MAPK8: variants seen among roughly 807,000 people sequenced by gnomAD.
MAPK8 encodes mitogen-activated protein kinase 8.
In MAPK8, 13 loss-of-function variants were observed where a neutral mutation model predicts 52.9. The ratio of observed to expected loss-of-function variants is 0.25; its 90% CI spans 0.16 to 0.39. The LOEUF (loss-of-function observed/expected upper bound fraction) is 0.39, where lower values mean the gene tolerates loss of function less well. Ranked by LOEUF, MAPK8 falls within the 10% of genes least tolerant of loss-of-function variation. The pLI, the probability that MAPK8 is intolerant of heterozygous loss-of-function variation, is 1.00. For synonymous variants in MAPK8, 191 were observed against 169.8 expected (o/e 1.12, Z -0.97); for missense variants, 300 against 519.2 (o/e 0.58, Z 4.10).
chr10:48,337,151 A>G (rs1418718977), intron 1 of MAPK8, among the ~76,000 whole-genome samples: 2 of 152,164 alleles, frequency 1.3e-5, no homozygotes, highest in Non-Finnish European at 2.9e-5. Context: ...ACCCTACCCA[A>G]CAACCACAGA....
Position 48,436,671 on chromosome 10 carries a change from G to A in MAPK8, c.*1642G>A, listed in dbSNP as rs1239358441. 1 of 152,172 alleles carries A rather than the reference G, an allele frequency of 6.6e-6. No homozygotes were observed. The highest frequency in any genetic ancestry group is 1.5e-5 in the Non-Finnish European group (1 of 68,030). 9.4% of individuals were successfully genotyped at this position (152,172 alleles called of 1,614,324 possible). ...TTAGTGCAAAATTATTTTTGAGTGAGATATTTTACATCACTGTTAATGTGC... is the reference window on the plus strand; with the variant it reads ...TTAGTGCAAAATTATTTTTGAGTGAAATATTTTACATCACTGTTAATGTGC... On this transcript the variant is annotated 3_prime_UTR_variant, in exon 12 of 12. Coordinates refer to ENST00000374189, the MANE Select transcript of MAPK8 (RefSeq NM_001323329.2).
At chr10:48,312,961 A>G (rs1274068869) in intron 1 of MAPK8, among the ~76,000 whole-genome samples, 1 of 152,222 alleles carries the variant, frequency 6.6e-6, no homozygotes, top group Admixed American at 6.5e-5. Flanking sequence ...TTCCAAAGAT[A>G]GTTTATATAT....
At chr10:48,397,519 A>G (rs1353278132) in intron 1 of MAPK8, among the ~76,000 whole-genome samples, 1 of 152,156 alleles carries the variant, frequency 6.6e-6, no homozygotes, top group Non-Finnish European at 1.5e-5. Context: ...CCGCAGGTAG[A>G]CTTGGGAGGA....
In MAPK8 at chr10:48,405,665, C is replaced by T. The variant is rs2042425554; in HGVS notation, c.252+684C>T. ...TGTGATTGTTCTAATGGAATGATTT[C>T]TTCAGTTGAGGAAATAAACTAGGAG... On this transcript the variant is annotated intron_variant, in intron 3 of 11. Transcript: ENST00000374189. Among the ~76,000 whole-genome samples the T allele has an allele frequency of 1.3e-5, 2 of 152,154 alleles. 1 individual carries two copies. The highest frequency in any genetic ancestry group is 4.1e-4 in the South Asian group (2 of 4,834).
chr10:48,363,535 G>A (rs1847751550), intron 1 of MAPK8, among the ~76,000 whole-genome samples: 1 of 152,056 alleles, frequency 6.6e-6, no homozygotes, highest in Admixed American at 6.6e-5. Flanking sequence ...TGAAAAATTT[G>A]TCGTCATTGT....
chr10:48,340,014 T>G (rs1203453001), intron 1 of MAPK8, among the ~76,000 whole-genome samples: 1 of 152,146 alleles, frequency 6.6e-6, no homozygotes, highest in African/African-American at 2.4e-5. Context: ...GAACTAAAAA[T>G]AGAACTACCA....
In MAPK8 at chr10:48,438,199, T is replaced by C. The variant is rs2045011983; in HGVS notation, c.*3170T>C. The C allele has an allele frequency of 6.6e-6, 1 of 152,260 alleles. No individual in the cohort carries two copies. Among genetic ancestry groups the C allele is most frequent in the South Asian group, 2.1e-4 (1 of 4,836 alleles). The allele number at this position is 152,260 out of a possible 1,614,324, so 9.4% of individuals were successfully genotyped here. ...AAGCCCCATGACACCAGTAAACTTC[T>C]CTTACCAGTAGGTAAACCAAACACC... is the stretch of plus-strand genomic sequence containing the variant. On this transcript the variant is annotated 3_prime_UTR_variant, in exon 12 of 12. Coordinates refer to ENST00000374189, the MANE Select transcript of MAPK8 (RefSeq NM_001323329.2).
chr10:48,434,668 G>A (rs2044694967), intron 11 of MAPK8, among the ~76,000 whole-genome samples: 1 of 152,164 alleles, frequency 6.6e-6, no homozygotes, highest in East Asian at 1.9e-4. Context: ...GAAAGGATAG[G>A]ACTCCACGAT....
chr10:48,413,593 T>G (rs1461951309), intron 5 of MAPK8, among the ~76,000 whole-genome samples: 1 of 151,916 alleles, frequency 6.6e-6, no homozygotes, highest in Non-Finnish European at 1.5e-5. Flanking sequence ...TCTGACACTT[T>G]GATGTTTTAT....
rs371711690 is a variant in MAPK8, at chr10:48,338,014, T to C, written c.-50+31193T>C. On this transcript the variant is annotated intron_variant, in intron 1 of 11. Coordinates refer to ENST00000374189, the MANE Select transcript of MAPK8 (RefSeq NM_001323329.2). The stretch of plus-strand genomic sequence containing the variant: ...GGATTCATAGCCAGATTTTACTAGA[T>C]GTTGGTAGAAGAGCTGATACCAATC... 3.4e-4 allele frequency among the ~76,000 whole-genome samples: 51 copies of C among 152,170 alleles called. No individual in the cohort carries two copies. In the South Asian group the frequency reaches 6.8e-3, roughly 20 times the overall value.
intron 5 of MAPK8, among the ~76,000 whole-genome samples, chr10:48,417,247 T>C (rs916385647): frequency 2.6e-5 from 4 of 152,220 alleles, no homozygotes; most frequent in African/African-American, 9.7e-5. Context: ...TTAAGAGATT[T>C]CTTATCTTTC....
chr10:48,415,838 A>T (rs549049556), intron 5 of MAPK8, among the ~76,000 whole-genome samples: 3 of 152,224 alleles, frequency 2.0e-5, no homozygotes, highest in Non-Finnish European at 4.4e-5. Context: ...GCACAGTTGT[A>T]TTGGGATATT....
intron 1 of MAPK8, among the ~76,000 whole-genome samples, chr10:48,393,493 A>G (rs2041733087): frequency 6.6e-6 from 1 of 152,154 alleles, no homozygotes; most frequent in Non-Finnish European, 1.5e-5. Context: ...TCCTAACATA[A>G]GGAAACATCA....
chr10:48,402,335 T>C (rs1589196960), intron 2 of MAPK8, among the ~76,000 whole-genome samples: 1 of 152,344 alleles, frequency 6.6e-6, no homozygotes. Context: ...TAGATAATTG[T>C]TTAATAAGAA....
At chr10:48,346,880 C>A (rs1845837711) in intron 1 of MAPK8, among the ~76,000 whole-genome samples, 1 of 152,210 alleles carries the variant, frequency 6.6e-6, no homozygotes, top group African/African-American at 2.4e-5. Context: ...CAGGGAAGGG[C>A]CCCCTGTCCA....
At chr10:48,369,553 A>G (rs1004017659) in intron 1 of MAPK8, among the ~76,000 whole-genome samples, 6 of 152,160 alleles carry the variant, frequency 3.9e-5, no homozygotes, top group Non-Finnish European at 8.8e-5. Flanking sequence ...AAAGCTCAAT[A>G]GTAGATACAT....
chr10:48,426,197 G>GA (rs1287468323), intron 8 of MAPK8, 127 bp downstream of exon 8: 11 of 986,250 alleles, frequency 1.1e-5, no homozygotes, highest in Non-Finnish European at 1.5e-5. Context: ...GGATGGTGGG[G>GA]AAAAAAATGA....
chr10:48,413,421 T>A (rs981522498), intron 5 of MAPK8, among the ~76,000 whole-genome samples: 4 of 152,190 alleles, frequency 2.6e-5, no homozygotes, highest in African/African-American at 9.6e-5. Flanking sequence ...CAGAAGGGTT[T>A]CAGTTATTCC....
chr10:48,397,913 G>A (rs939940893), intron 1 of MAPK8, among the ~76,000 whole-genome samples: 1 of 152,098 alleles, frequency 6.6e-6, no homozygotes, highest in Admixed American at 6.6e-5. Flanking sequence ...TATTCTGATT[G>A]TAGTGGAGGT....
Sources: allele counts gnomAD v4.1 joint callset (sites outside exome capture counted in the v4.1 genomes callset), GRCh38; gene constraint gnomAD v4.1.1; transcripts MANE v1.5; gene names NCBI Gene and HGNC (gene_info 2026-07-23, HGNC 2026-07-21).